COPA: variants seen among roughly 807,000 people sequenced by gnomAD.
COPA encodes coatomer subunit alpha.
COPA carries 10 observed loss-of-function variants against 158.7 expected under a neutral mutation model. The ratio of observed to expected loss-of-function variants is 0.06; its 90% CI spans 0.04 to 0.11. The LOEUF (loss-of-function observed/expected upper bound fraction) is 0.11, where lower values mean the gene tolerates loss of function less well. Ranked by LOEUF, COPA falls within the 10% of genes least tolerant of loss-of-function variation. COPA has a pLI of 1.00. For synonymous variants in COPA, 462 were observed against 542.8 expected, an observed-to-expected ratio of 0.85 and a Z score of 2.07; for missense variants, 1,065 against 1,536.7, an observed-to-expected ratio of 0.69 and a Z score of 5.13.
At chr1:160,339,566 C>A in intron 3 of COPA, 1 of 182,746 alleles carries the variant, frequency 5.5e-6, no homozygotes, top group Non-Finnish European at 1.2e-5. Context: ...GTCTTTGCAC[C>A]TATACTGCTC....
chr1:160,340,339 G>C, intron 1 of COPA, 45 bp from the exon 2 acceptor site: 1 of 1,206,326 alleles, frequency 8.3e-7, no homozygotes, highest in South Asian at 1.2e-5. Flanking sequence ...TAAGCCCCAT[G>C]ATGTCACCTT....
chr1:160,311,813 T>C (rs1658976217), intron 11 of COPA, 55 bp downstream of exon 11: 16 of 1,448,946 alleles, frequency 1.1e-5, no homozygotes, highest in Admixed American at 6.0e-5. Context: ...TTTGTGGGAG[T>C]TGTATCAGGG....
intron 6 of COPA, among the ~76,000 whole-genome samples, chr1:160,330,474 C>T (rs776654527): frequency 1.3e-5 from 2 of 152,174 alleles, no homozygotes; most frequent in Non-Finnish European, 2.9e-5. Context: ...GTTTATACTC[C>T]TCCCTTTCAT....
At chr1:160,309,034 G>T in intron 13 of COPA, 67 bp downstream of exon 13, 1 of 1,289,256 alleles carries the variant, frequency 7.8e-7, no homozygotes, top group South Asian at 1.2e-5. Flanking sequence ...TGAAAAACTT[G>T]AAGAGGAGTT....
At chr1:160,332,358 CAGTTCTA>C in intron 6 of COPA, 83 bp downstream of exon 6, 1 of 736,976 alleles carries the variant, frequency 1.4e-6, no homozygotes, top group Non-Finnish European at 2.2e-6. Context: ...CTAAATTTTC[CAGTTCTA>C]AGTCAACTCT....
chr1:160,290,132 C>T lies in COPA; in HGVS notation c.*25G>A. 6.2e-7 allele frequency: 1 copy of T among 1,611,612 alleles called. No homozygotes were observed. The highest frequency in any genetic ancestry group is 1.1e-5 in the South Asian group (1 of 90,994). ...ATTCTCTGGGGGGAACATATGGTGA[C>T]TGACCCATGCACACAAAGGGGGCCT... On this transcript the variant is annotated 3_prime_UTR_variant, in exon 33 of 33. Coordinates refer to ENST00000241704, the MANE Select transcript of COPA (RefSeq NM_004371.4).
chr1:160,300,389 A>G (rs1023181607), intron 17 of COPA, among the ~76,000 whole-genome samples: 3 of 149,334 alleles, frequency 2.0e-5, no homozygotes, highest in Admixed American at 2.0e-4. Context: ...ATAAATAAAT[A>G]AATAGAAGGA....
intron 4 of COPA, 111 bp downstream of exon 4, chr1:160,335,131 G>T: frequency 1.1e-6 from 1 of 881,784 alleles, no homozygotes; most frequent in Non-Finnish European, 1.7e-6. Flanking sequence ...TTGTAGAAGA[G>T]CCACTCCAAA....
chr1:160,305,998 T>G, intron 15 of COPA: 4 of 593,206 alleles, frequency 6.7e-6, no homozygotes, highest in South Asian at 6.2e-5. Context: ...CCTCATTTCC[T>G]TGTATTATTA....
chr1:160,300,799 T>A (rs891854828), intron 17 of COPA, among the ~76,000 whole-genome samples: 5 of 152,216 alleles, frequency 3.3e-5, no homozygotes, highest in South Asian at 2.1e-4. Context: ...TAGGTTTACA[T>A]CAGGAATATA....
intron 8 of COPA, among the ~76,000 whole-genome samples, chr1:160,318,427 G>T (rs1160434648): frequency 8.2e-6 from 1 of 121,314 alleles, no homozygotes; most frequent in African/African-American, 3.1e-5. Flanking sequence ...GTTTTAAATG[G>T]ACATTGTCTG....
At chr1:160,290,854 T>G (rs375318150) in intron 31 of COPA, among the ~76,000 whole-genome samples, 168 bp from the exon 32 acceptor site, 176 of 152,320 alleles carry the variant, frequency 1.2e-3, no homozygotes, top group African/African-American at 4.0e-3. Context: ...CAATCACCAT[T>G]CCTATTGTAT....
intron 1 of COPA, among the ~76,000 whole-genome samples, 169 bp downstream of exon 1, chr1:160,342,962 G>A (rs1440801457): frequency 1.3e-5 from 2 of 152,092 alleles, no homozygotes; most frequent in African/African-American, 4.8e-5. Flanking sequence ...CAAAGAAGAG[G>A]GGACTGGAGA....
Position 160,293,573 on chromosome 1 carries a change from C to G in COPA, c.2677-110G>C. 7.6e-6 allele frequency: 6 copies of G among 786,896 alleles called. No individual in the cohort carries two copies. In the South Asian group the frequency reaches 1.2e-4, roughly 15 times the overall value. The allele number at this position is 786,896 out of a possible 1,614,324, so 48.7% of individuals were successfully genotyped here. ...ACAGAGGCATGATCTCGGCACACTG[C>G]AACCTCTGCCTCCCATGCTCAAGCA... On this transcript the variant is annotated intron_variant, in intron 25 of 32. Coordinates refer to ENST00000241704, the MANE Select transcript of COPA (RefSeq NM_004371.4).
intron 9 of COPA, among the ~76,000 whole-genome samples, chr1:160,313,771 CAT>C (rs1485506134): frequency 1.3e-5 from 2 of 152,114 alleles, no homozygotes; most frequent in Admixed American, 6.5e-5. Context: ...AAGAAGAAAA[CAT>C]GTTTAAATTT....
In COPA at chr1:160,296,137, T is replaced by C. The variant is rs766436110; in HGVS notation, c.2276A>G (p.Tyr759Cys). Residue 759 changes from tyrosine to cysteine, a missense_variant, in exon 22 of 33, where the codon TAT becomes TGT. By Grantham distance (194) the Tyr-to-Cys change is radical. This residue lies in a region of COPA where 980 missense variants were observed against 1,357.8 expected (regional missense o/e 0.72). Transcript: ENST00000241704. The stretch of plus-strand genomic sequence containing the variant: ...TAAGCCATGGGTAGCAGCTGTGAGA[T>C]AGGCCAGGGACTCTGTAGAGAAAAC... ...LKNCGQKSLA[Y>C]LTAATHGLDE... 5 of 1,614,190 alleles carry C rather than the reference T, an allele frequency of 3.1e-6. No homozygotes were observed. The highest frequency in any genetic ancestry group is 2.2e-5 in the South Asian group (2 of 91,086).
At chr1:160,299,505 G>T (rs1196500520) in intron 17 of COPA, among the ~76,000 whole-genome samples, 3 of 152,120 alleles carry the variant, frequency 2.0e-5, no homozygotes, top group Non-Finnish European at 4.4e-5. Flanking sequence ...GTGGCTATAG[G>T]AATCAGACCT....
intron 6 of COPA, among the ~76,000 whole-genome samples, chr1:160,329,653 A>G (rs1167872362): frequency 6.6e-6 from 1 of 152,238 alleles, no homozygotes; most frequent in East Asian, 1.9e-4. Context: ...AAAAGAATTA[A>G]GTTTTAATGC....
At chr1:160,342,762 A>G (rs1282893685) in intron 1 of COPA, among the ~76,000 whole-genome samples, 1 of 152,204 alleles carries the variant, frequency 6.6e-6, no homozygotes, top group Admixed American at 6.5e-5. Flanking sequence ...ATCGAGACTC[A>G]GTTCCCAGGG....
Sources: allele counts gnomAD v4.1 joint callset (sites outside exome capture counted in the v4.1 genomes callset), GRCh38; gene constraint gnomAD v4.1.1; regional missense constraint gnomAD v4.1.1; transcripts MANE v1.5; gene names NCBI Gene and HGNC (gene_info 2026-07-23, HGNC 2026-07-21).